Variants in CTNNA3 observed in about 807,000 individuals in gnomAD.
CTNNA3 encodes catenin alpha-3.
In CTNNA3, 76 loss-of-function variants were observed where a neutral mutation model predicts 95.7. That is an observed-to-expected ratio of 0.79 (90% confidence interval 0.66 to 0.96). The LOEUF is 0.96. Among genes scored for constraint, CTNNA3 ranks in the 40% least tolerant of loss-of-function variants. The probability of loss-of-function intolerance (pLI) is 0.00; values close to 1 mark genes in which losing one functional copy is unlikely to be tolerated. For synonymous variants in CTNNA3, 431 were observed against 374.4 expected, an observed-to-expected ratio of 1.15 and a Z score of -1.74; for missense variants, 1,191 against 1,089.8, an observed-to-expected ratio of 1.09 and a Z score of -1.31.
chr10:67,521,776 G>A, intron 5 of CTNNA3, 66 bp downstream of exon 5: 1 of 1,567,074 alleles, frequency 6.4e-7, no homozygotes, highest in African/African-American at 1.4e-5. Flanking sequence ...CTGCACCTCT[G>A]ACAGGCAGGA....
intron 5 of CTNNA3, among the ~76,000 whole-genome samples, chr10:67,227,377 C>T (rs150709515): frequency 0.029 from 4,437 of 152,214 alleles, 81 homozygotes; most frequent in South Asian, 0.091. Flanking sequence ...AGGCCTGAGC[C>T]ACCATGCCTG....
intron 14 of CTNNA3, among the ~76,000 whole-genome samples, chr10:66,096,958 T>C (rs560931825): frequency 2.6e-5 from 4 of 152,338 alleles, no homozygotes; most frequent in South Asian, 4.1e-4. Flanking sequence ...GGCATTTTAC[T>C]AAATGGTGAG....
At chr10:67,381,197 G>A (rs1313097163) in intron 5 of CTNNA3, among the ~76,000 whole-genome samples, 3 of 152,036 alleles carry the variant, frequency 2.0e-5, no homozygotes, top group East Asian at 3.9e-4. Context: ...AAAAGTCAAG[G>A]GGAAACATCT....
intron 10 of CTNNA3, among the ~76,000 whole-genome samples, chr10:66,543,272 T>C (rs929966062): frequency 3.9e-5 from 6 of 152,022 alleles, no homozygotes; most frequent in African/African-American, 1.4e-4. Context: ...TTTGTATTTT[T>C]AGAAGAGACA....
intron 7 of CTNNA3, among the ~76,000 whole-genome samples, chr10:67,066,687 A>G (rs902360358): frequency 2.0e-5 from 3 of 152,154 alleles, no homozygotes; most frequent in Non-Finnish European, 2.9e-5. Context: ...TAATTGTTAA[A>G]CAAATATTAT....
chr10:66,823,801 G>A (rs1209932934), intron 7 of CTNNA3, among the ~76,000 whole-genome samples: 1 of 152,098 alleles, frequency 6.6e-6, no homozygotes, highest in Non-Finnish European at 1.5e-5. Context: ...AAATAGCAAG[G>A]CTTAGGACAG....
chr10:67,680,984 A>G (rs918384445), intron 1 of CTNNA3, among the ~76,000 whole-genome samples: 12 of 152,208 alleles, frequency 7.9e-5, no homozygotes, highest in African/African-American at 2.9e-4. Flanking sequence ...TGATGGAAGG[A>G]AAGAGACCGT....
intron 7 of CTNNA3, among the ~76,000 whole-genome samples, chr10:66,867,664 T>G (rs1385111627): frequency 6.6e-6 from 1 of 152,124 alleles, no homozygotes; most frequent in Admixed American, 6.5e-5. Flanking sequence ...CTCTCACGTC[T>G]AAGTTCAAGC....
In CTNNA3 at chr10:66,443,028, G is replaced by A. The variant is rs112495072; in HGVS notation, c.1532-63676C>T. Among the ~76,000 whole-genome samples, 1,419 of 152,256 alleles carry A rather than the reference G, an allele frequency of 9.3e-3. 31 individuals carry two copies. Among genetic ancestry groups the A allele is most frequent in the African/African-American group, 0.032 (1,348 of 41,554 alleles). The stretch of plus-strand genomic sequence containing the variant: ...GATTATATCCCGCATATGGCTCAGA[G>A]GGTCCTATGCCCACAGAGTCTCACT... On this transcript the variant is annotated intron_variant, in intron 11 of 17. Transcript: ENST00000433211.
Position 66,360,650 on chromosome 10 carries a change from TCTTTCTTTCTTCCTTCCTTC to T in CTNNA3, c.1732+18482_1732+18501del, listed in dbSNP as rs1272460357. ...TTCTTTCTTTCTTTCTTTCTTTCTTTCTTTCTTTCTTCCTTCCTTCCTTCCTTCCTTCCTTCCTTCCTTTT... is the reference window on the plus strand; with the variant it reads ...TTCTTTCTTTCTTTCTTTCTTTCTTTCTTCCTTCCTTCCTTCCTTCCTTTT... On this transcript the variant is annotated intron_variant, in intron 12 of 17. Coordinates refer to ENST00000433211, the MANE Select transcript of CTNNA3 (RefSeq NM_013266.4). Among the ~76,000 whole-genome samples, 263 of 69,136 alleles carry T rather than the reference TCTTTCTTTCTTCCTTCCTTC, an allele frequency of 3.8e-3. 2 individuals carry two copies. Among genetic ancestry groups the T allele is most frequent in the African/African-American group, 9.8e-3 (160 of 16,368 alleles). The allele number at this position is 69,136 out of a possible 152,430, so 45.4% of individuals were successfully genotyped here.
intron 7 of CTNNA3, among the ~76,000 whole-genome samples, chr10:66,795,312 G>A (rs1195044619): frequency 6.6e-6 from 1 of 152,098 alleles, no homozygotes; most frequent in Non-Finnish European, 1.5e-5. Flanking sequence ...TGGATGTTGT[G>A]TTACCAGGCA....
chr10:66,071,019 C>T (rs558149152), intron 14 of CTNNA3, among the ~76,000 whole-genome samples: 138 of 152,194 alleles, frequency 9.1e-4, no homozygotes, highest in African/African-American at 2.6e-3. Context: ...TTACTGACAC[C>T]TTTGCAGAAG....
At chr10:66,110,876 G>A (rs1001356584) in intron 13 of CTNNA3, among the ~76,000 whole-genome samples, 1 of 152,124 alleles carries the variant, frequency 6.6e-6, no homozygotes, top group Non-Finnish European at 1.5e-5. Context: ...ACACACCTAG[G>A]CTGTATGGTA....
At chr10:67,280,302 G>C (rs891535076) in intron 5 of CTNNA3, among the ~76,000 whole-genome samples, 1 of 150,282 alleles carries the variant, frequency 6.7e-6, no homozygotes, top group Non-Finnish European at 1.5e-5. Context: ...AAACTGGATG[G>C]ACTTTGTCAG....
Position 67,027,891 on chromosome 10 carries a change from T to C in CTNNA3, c.1047+152426A>G, listed in dbSNP as rs188486389. On this transcript the variant is annotated intron_variant, in intron 7 of 17. Transcript: ENST00000433211. ...TTGCTTCTGAATGATAAGCTCTTAATGTCATAATGATGATGATATCACTTT... is the reference window on the plus strand; with the variant it reads ...TTGCTTCTGAATGATAAGCTCTTAACGTCATAATGATGATGATATCACTTT... Among the ~76,000 whole-genome samples the C allele has an allele frequency of 2.5e-3, 387 of 152,318 alleles. 1 individual carries two copies. Among genetic ancestry groups the C allele is most frequent in the East Asian group, 2.7e-3 (14 of 5,192 alleles).
chr10:66,199,765 CTATATATATATATATATATA>C (rs59585958), intron 13 of CTNNA3, among the ~76,000 whole-genome samples: 46 of 30,722 alleles, frequency 1.5e-3, no homozygotes, highest in African/African-American at 6.1e-3. Context: ...CCACGCCTGG[CTATATATATATATATATATA>C]TATATATATA....
At chr10:67,722,105 C>T (rs1841182708) in intron 1 of CTNNA3, among the ~76,000 whole-genome samples, 1 of 152,164 alleles carries the variant, frequency 6.6e-6, no homozygotes, top group Admixed American at 6.5e-5. Context: ...AAACTTTTAA[C>T]AATCTCAATG....
chr10:66,494,819 CTATTACATTTCA>C (rs1840047967), intron 11 of CTNNA3, among the ~76,000 whole-genome samples: 1 of 152,198 alleles, frequency 6.6e-6, no homozygotes, highest in South Asian at 2.1e-4. Flanking sequence ...CAACCACTGT[CTATTACATTTCA>C]AAAATTATCC....
chr10:66,342,684 G>C (rs938355204), intron 12 of CTNNA3, among the ~76,000 whole-genome samples: 1 of 151,874 alleles, frequency 6.6e-6, no homozygotes, highest in African/African-American at 2.4e-5. Context: ...ATAAATATTG[G>C]TCATATAATT....
Sources: allele counts gnomAD v4.1 joint callset (sites outside exome capture counted in the v4.1 genomes callset), GRCh38; gene constraint gnomAD v4.1.1; transcripts MANE v1.5; gene names NCBI Gene and HGNC (gene_info 2026-07-23, HGNC 2026-07-21).